Variants in AFF2 observed in about 807,000 individuals in gnomAD.
The protein encoded by AFF2 is AF4/FMR2 family member 2.
A neutral mutation model predicts 76.9 loss-of-function variants in AFF2; 14 were observed. That is an observed-to-expected ratio of 0.18 (90% CI 0.12 to 0.28). The LOEUF (loss-of-function observed/expected upper bound fraction) is 0.28. Ranked by LOEUF, AFF2 falls within the 10% of genes least tolerant of loss-of-function variation. AFF2 has a pLI of 1.00. For synonymous variants in AFF2, 398 were observed against 366.7 expected (o/e 1.09, Z -0.98); for missense variants, 868 against 1,001.1 (o/e 0.87, Z 1.79).
chrX:148,598,043 A>G (rs2053591952), intron 1 of AFF2, among the ~76,000 whole-genome samples: 1 of 112,268 alleles, frequency 8.9e-6, no homozygotes, highest in South Asian at 3.7e-4. Flanking sequence ...TTTGAAGAGT[A>G]CGTACATCTG....
chrX:148,816,617 C>G (rs925972330), intron 4 of AFF2, among the ~76,000 whole-genome samples: 9 of 110,716 alleles, frequency 8.1e-5, no homozygotes, highest in Non-Finnish European at 1.3e-4. Flanking sequence ...TTCCATGGAC[C>G]AAGTTTGGGA....
chrX:148,715,671 G>A (rs1174906412), intron 3 of AFF2, among the ~76,000 whole-genome samples: 3 of 111,962 alleles, frequency 2.7e-5, no homozygotes, highest in Non-Finnish European at 5.6e-5. Context: ...AATCCAGATG[G>A]ATGAATTCAC....
chrX:148,788,805 A>G (rs2069855692), intron 3 of AFF2, among the ~76,000 whole-genome samples: 1 of 111,840 alleles, frequency 8.9e-6, no homozygotes, highest in African/African-American at 3.3e-5. Context: ...ACAGATTTAA[A>G]TCAGTTTCAG....
chrX:148,717,656 G>T (rs1227103617), intron 3 of AFF2, among the ~76,000 whole-genome samples: 1 of 111,796 alleles, frequency 8.9e-6, no homozygotes, highest in Non-Finnish European at 1.9e-5. Flanking sequence ...CACTGAACAG[G>T]TGCCATCTGA....
chrX:148,875,819 C>T, intron 7 of AFF2, among the ~76,000 whole-genome samples: 1 of 111,072 alleles, frequency 9.0e-6, no homozygotes, highest in African/African-American at 3.3e-5. Flanking sequence ...TGATGATGTG[C>T]TTTGTTCTAC....
At chrX:148,897,261 ATATATATATATG>A (rs1224102677) in intron 8 of AFF2, among the ~76,000 whole-genome samples, 1,336 of 39,988 alleles carry the variant, frequency 0.033, 170 homozygotes, top group African/African-American at 0.078. Context: ...ATATATATAT[ATATATATATATG>A]TATATGAAAA....
chrX:148,873,691 G>T (rs1557277601), intron 7 of AFF2, among the ~76,000 whole-genome samples: 1 of 110,677 alleles, frequency 9.0e-6, no homozygotes, highest in African/African-American at 3.3e-5. Flanking sequence ...ATGAATGTCT[G>T]GCACACATTA....
intron 9 of AFF2, among the ~76,000 whole-genome samples, chrX:148,935,487 A>G (rs2071764250): frequency 1.8e-5 from 2 of 110,989 alleles, no homozygotes; most frequent in South Asian, 7.6e-4. Flanking sequence ...ATCCTTTTCT[A>G]TATCAGTAGC....
intron 1 of AFF2, among the ~76,000 whole-genome samples, chrX:148,548,960 C>G (rs1426779800): frequency 1.8e-5 from 2 of 112,246 alleles, no homozygotes; most frequent in Admixed American, 9.5e-5. Flanking sequence ...GAAAATAACT[C>G]TGCATTGCTA....
intron 4 of AFF2, among the ~76,000 whole-genome samples, chrX:148,832,850 G>A (rs918001270): frequency 8.1e-5 from 9 of 111,603 alleles, no homozygotes; most frequent in Non-Finnish European, 1.1e-4. Context: ...CTTGAGTTAA[G>A]TTCTCCCTAT....
intron 7 of AFF2, among the ~76,000 whole-genome samples, chrX:148,870,411 C>G (rs1014329615): frequency 8.9e-6 from 1 of 112,472 alleles, no homozygotes. Flanking sequence ...CTCTCACATT[C>G]TTTGTAAGCA....
intron 3 of AFF2, among the ~76,000 whole-genome samples, chrX:148,775,429 A>G (rs1451085604): frequency 8.9e-6 from 1 of 112,183 alleles, no homozygotes; most frequent in African/African-American, 3.2e-5. Flanking sequence ...TCTGTGAGGT[A>G]GGCATGGTTA....
At chrX:148,649,894 C>A (rs2054186264) in intron 1 of AFF2, among the ~76,000 whole-genome samples, 1 of 111,783 alleles carries the variant, frequency 8.9e-6, no homozygotes, top group African/African-American at 3.3e-5. Flanking sequence ...GCCTGTCATT[C>A]TTAGCTGTCA....
chrX:148,891,384 T>C (rs782709524), intron 8 of AFF2, among the ~76,000 whole-genome samples: 1 of 112,331 alleles, frequency 8.9e-6, no homozygotes, highest in Non-Finnish European at 1.9e-5. Flanking sequence ...ATTGATGCTA[T>C]GCTTGCAGTT....
chrX:148,927,709 A>T (rs1260249219), intron 9 of AFF2, among the ~76,000 whole-genome samples: 1 of 112,087 alleles, frequency 8.9e-6, no homozygotes, highest in Admixed American at 9.5e-5. Context: ...TGAGATGTTG[A>T]CTTCTTTCAT....
chrX:148,562,897 C>T (rs1334887894), intron 1 of AFF2, among the ~76,000 whole-genome samples: 1 of 111,644 alleles, frequency 9.0e-6, no homozygotes, highest in Admixed American at 9.5e-5. Flanking sequence ...TGAAAAAAGC[C>T]ACAAAGAAAG....
chrX:148,961,836 G>A (rs782263663), intron 12 of AFF2, among the ~76,000 whole-genome samples: 1 of 112,704 alleles, frequency 8.9e-6, no homozygotes, highest in Admixed American at 9.4e-5. Context: ...AGTTGTCTAA[G>A]CAAAGATTAA....
chrX:148,657,271 C>G (rs1221423344), intron 2 of AFF2, among the ~76,000 whole-genome samples: 1 of 111,574 alleles, frequency 9.0e-6, no homozygotes, highest in Non-Finnish European at 1.9e-5. Flanking sequence ...TACACAAATT[C>G]AGGTATTATC....
At chrX:148,833,716 C>G (rs2070485092) in intron 4 of AFF2, among the ~76,000 whole-genome samples, 1 of 112,061 alleles carries the variant, frequency 8.9e-6, no homozygotes, top group Non-Finnish European at 1.9e-5. Context: ...CTTTGTGCTT[C>G]AATTCCTTGT....
Sources: allele counts gnomAD v4.1 joint callset (sites outside exome capture counted in the v4.1 genomes callset), GRCh38; gene constraint gnomAD v4.1.1; transcripts MANE v1.5; gene names NCBI Gene and HGNC (gene_info 2026-07-23, HGNC 2026-07-21).